The following CDH18 variants were observed in gnomAD, a reference collection of about 807,000 sequenced individuals.
CDH18 encodes cadherin 18.
In CDH18, 31 loss-of-function variants were observed where a neutral mutation model predicts 67.9. That is an observed-to-expected ratio of 0.46 (90% CI 0.34 to 0.62). The LOEUF (loss-of-function observed/expected upper bound fraction) is 0.62. Among genes scored for constraint, CDH18 ranks in the 20% least tolerant of loss-of-function variants. The pLI, the probability that CDH18 is intolerant of heterozygous loss-of-function variation, is 0.01. For missense variants in CDH18, 890 were observed against 975.5 expected (o/e 0.91, Z 1.17); for synonymous variants, 362 against 347.2 (o/e 1.04, Z -0.48).
chr5:19,689,428 G>T (rs868622416), intron 5 of CDH18, among the ~76,000 whole-genome samples: 3 of 151,832 alleles, frequency 2.0e-5, no homozygotes, highest in Non-Finnish European at 2.9e-5. Flanking sequence ...ACTATACACA[G>T]CAAAGTTTTG....
At chr5:20,400,514 A>G (rs1191671825) in intron 1 of CDH18, among the ~76,000 whole-genome samples, 1 of 151,442 alleles carries the variant, frequency 6.6e-6, no homozygotes, top group Non-Finnish European at 1.5e-5. Context: ...CATAAAAAGA[A>G]TGTTCACAGA....
At chr5:20,289,650 A>G (rs1187617557) in intron 1 of CDH18, among the ~76,000 whole-genome samples, 1 of 151,976 alleles carries the variant, frequency 6.6e-6, no homozygotes, top group African/African-American at 2.4e-5. Context: ...TAAATTATAG[A>G]ACTTAGTTTC....
At chr5:20,414,842 G>A (rs988860038) in intron 1 of CDH18, among the ~76,000 whole-genome samples, 1 of 152,136 alleles carries the variant, frequency 6.6e-6, no homozygotes, top group African/African-American at 2.4e-5. Context: ...AAAAACAAAT[G>A]TTGCTGAGGG....
At chr5:19,891,608 A>G (rs1788790253) in intron 2 of CDH18, among the ~76,000 whole-genome samples, 1 of 152,140 alleles carries the variant, frequency 6.6e-6, no homozygotes, top group Admixed American at 6.6e-5. Context: ...ATTCCCTGTT[A>G]TAAGTGCCTC....
chr5:19,568,574 A>C (rs1016370016), intron 8 of CDH18, among the ~76,000 whole-genome samples: 12 of 152,128 alleles, frequency 7.9e-5, no homozygotes, highest in Admixed American at 5.2e-4. Flanking sequence ...AAACTGACTA[A>C]AGGAGAAAAT....
chr5:19,828,772 C>T (rs1174458465), intron 3 of CDH18, among the ~76,000 whole-genome samples: 1 of 152,168 alleles, frequency 6.6e-6, no homozygotes, highest in African/African-American at 2.4e-5. Flanking sequence ...CGCTGTGGCT[C>T]ATGCCTGTAA....
intron 3 of CDH18, among the ~76,000 whole-genome samples, chr5:19,818,254 T>C (rs548288505): frequency 6.6e-6 from 1 of 152,194 alleles, no homozygotes; most frequent in Non-Finnish European, 1.5e-5. Flanking sequence ...GGATGAGTTA[T>C]AACTCAAGCT....
chr5:20,470,348 G>A (rs1751959906), intron 1 of CDH18, among the ~76,000 whole-genome samples: 1 of 152,128 alleles, frequency 6.6e-6, no homozygotes. Flanking sequence ...TTGAAGCTGA[G>A]CAGTGACATG....
chr5:19,684,551 A>G lies in CDH18; in HGVS notation c.643+36796T>C, dbSNP rs182281536. Among the ~76,000 whole-genome samples, 194 of 151,390 alleles carry G rather than the reference A, an allele frequency of 1.3e-3. 1 individual carries two copies. Among genetic ancestry groups the G allele is most frequent in the African/African-American group, 4.5e-3 (188 of 41,476 alleles). ...TAAAATACAGAATAGCAATATGTAA[A>G]CTATAGCTTTTTTTCAGATACAAAG... is the stretch of plus-strand genomic sequence containing the variant. On this transcript the variant is annotated intron_variant, in intron 5 of 12. Transcript: ENST00000382275.
At chr5:19,475,477 T>C (rs987653614) in intron 12 of CDH18, among the ~76,000 whole-genome samples, 1 of 150,948 alleles carries the variant, frequency 6.6e-6, no homozygotes, top group African/African-American at 2.4e-5. Flanking sequence ...TGCTTTCACA[T>C]CCTTGTTAAG....
At chr5:20,519,530 T>C (rs1032357512) in intron 1 of CDH18, among the ~76,000 whole-genome samples, 1 of 151,898 alleles carries the variant, frequency 6.6e-6, no homozygotes, top group South Asian at 2.1e-4. Context: ...AAATGATGAG[T>C]TAATGGGTGC....
At chr5:19,851,371 T>C (rs2149926244) in intron 2 of CDH18, among the ~76,000 whole-genome samples, 1 of 145,858 alleles carries the variant, frequency 6.9e-6, no homozygotes, top group Non-Finnish European at 1.5e-5. Context: ...TACCAGTTTA[T>C]GTAATAAAAT....
chr5:19,516,705 C>T (rs527895882), intron 10 of CDH18, among the ~76,000 whole-genome samples: 8 of 152,178 alleles, frequency 5.3e-5, no homozygotes, highest in African/African-American at 1.9e-4. Context: ...TCCCCTTTAT[C>T]ATTTTTTATT....
intron 2 of CDH18, among the ~76,000 whole-genome samples, chr5:19,856,309 A>G (rs577420828): frequency 6.6e-6 from 1 of 152,174 alleles, no homozygotes; most frequent in East Asian, 1.9e-4. Context: ...TTTATAATGT[A>G]CTGCCCTAAA....
At chr5:20,216,249 G>C (rs1049138916) in intron 2 of CDH18, among the ~76,000 whole-genome samples, 3 of 151,946 alleles carry the variant, frequency 2.0e-5, no homozygotes, top group African/African-American at 7.2e-5. Flanking sequence ...CAGAGACTCA[G>C]TGTGAGCACA....
Position 19,882,630 on chromosome 5 carries a change from T to C in CDH18, c.-256-43388A>G, listed in dbSNP as rs1214462959. ...TCAGAAAAGTTTTGTATCCAAACTC[T>C]CTGAAGTATTACTGCAGTGAAGGCA... On this transcript the variant is annotated intron_variant, in intron 2 of 12. Transcript: ENST00000382275. Among the ~76,000 whole-genome samples, 8 of 152,184 alleles carry C rather than the reference T, an allele frequency of 5.3e-5. No individual in the cohort carries two copies. In the South Asian group the frequency reaches 6.2e-4, roughly 12 times the overall value.
At chr5:20,429,133 G>T (rs556666743) in intron 1 of CDH18, among the ~76,000 whole-genome samples, 2 of 151,370 alleles carry the variant, frequency 1.3e-5, no homozygotes, top group East Asian at 3.9e-4. Flanking sequence ...CTGTGATATT[G>T]TTCTTTGAAG....
chr5:20,054,425 T>C (rs1162897992), intron 2 of CDH18, among the ~76,000 whole-genome samples: 1 of 152,186 alleles, frequency 6.6e-6, no homozygotes. Context: ...ACCATGATGA[T>C]CAATAGCATG....
intron 1 of CDH18, among the ~76,000 whole-genome samples, chr5:20,276,552 C>CAT (rs1745827333): frequency 6.6e-6 from 1 of 152,186 alleles, no homozygotes; most frequent in Non-Finnish European, 1.5e-5. Context: ...AAGAATTACT[C>CAT]ATTGTGGGCC....
Sources: allele counts gnomAD v4.1 joint callset (sites outside exome capture counted in the v4.1 genomes callset), GRCh38; gene constraint gnomAD v4.1.1; transcripts MANE v1.5; gene names NCBI Gene and HGNC (gene_info 2026-07-23, HGNC 2026-07-21).